The following ATP8B1 variants were observed in gnomAD, a reference collection of about 807,000 sequenced individuals.
ATP8B1 encodes the protein phospholipid-transporting ATPase IC.
A neutral mutation model predicts 149.9 loss-of-function variants in ATP8B1; 80 were observed. That is an observed-to-expected ratio of 0.53 (90% CI 0.45 to 0.64). ATP8B1 has a LOEUF of 0.64. ATP8B1 is among the 30% of genes least tolerant of loss of function. ATP8B1 has a pLI of 0.00. For synonymous variants in ATP8B1, 536 were observed against 562.8 expected (o/e 0.95, Z 0.67); for missense variants, 1,247 against 1,552.6 (o/e 0.80, Z 3.31).
intron 1 of ATP8B1, among the ~76,000 whole-genome samples, chr18:57,781,603 G>A (rs2123417552): frequency 6.6e-6 from 1 of 152,300 alleles, no homozygotes. Context: ...TGCCTACTAG[G>A]TTGTGGACTC....
chr18:57,741,942 T>C (rs2079918213), intron 1 of ATP8B1, among the ~76,000 whole-genome samples: 1 of 152,208 alleles, frequency 6.6e-6, no homozygotes, highest in African/African-American at 2.4e-5. Flanking sequence ...TGATCTCAGC[T>C]CACTGCAACC....
At chr18:57,772,351 G>A (rs1226187839) in intron 1 of ATP8B1, among the ~76,000 whole-genome samples, 2 of 152,130 alleles carry the variant, frequency 1.3e-5, no homozygotes, top group South Asian at 2.1e-4. Context: ...TCCCAAGCTG[G>A]GCCACTATCT....
At chr18:57,775,785 C>T (rs1486957554) in intron 1 of ATP8B1, among the ~76,000 whole-genome samples, 3 of 151,994 alleles carry the variant, frequency 2.0e-5, no homozygotes, top group Non-Finnish European at 2.9e-5. Flanking sequence ...GCTGAGATTA[C>T]AGACATGTGC....
At chr18:57,653,682 C>CTTTTTT (rs71171057) in intron 24 of ATP8B1, among the ~76,000 whole-genome samples, 59 of 117,804 alleles carry the variant, frequency 5.0e-4, no homozygotes, top group East Asian at 8.0e-4. Flanking sequence ...CCTCTTTTCT[C>CTTTTTT]TTTTTTTTTT....
At chr18:57,701,352 G>A (rs371384724) in intron 4 of ATP8B1, 39 bp from the exon 5 acceptor site, 24 of 1,553,812 alleles carry the variant, frequency 1.5e-5, no homozygotes, top group Non-Finnish European at 2.0e-5. Context: ...GTCCATGAAG[G>A]CATATCAAGC....
chr18:57,767,114 A>T (rs1298811415), intron 1 of ATP8B1, among the ~76,000 whole-genome samples: 1 of 152,202 alleles, frequency 6.6e-6, no homozygotes, highest in Non-Finnish European at 1.5e-5. Context: ...GGAATCCTAC[A>T]GTTTATCCAC....
chr18:57,651,381 C>T (rs1350564359), intron 26 of ATP8B1, among the ~76,000 whole-genome samples: 1 of 152,192 alleles, frequency 6.6e-6, no homozygotes, highest in Non-Finnish European at 1.5e-5. Context: ...GCTGGGATTA[C>T]AGGCGTGAGC....
chr18:57,692,340 T>G (rs1247700439), intron 11 of ATP8B1, among the ~76,000 whole-genome samples: 1 of 152,042 alleles, frequency 6.6e-6, no homozygotes, highest in African/African-American at 2.4e-5. Flanking sequence ...ACATACTGTT[T>G]GGGGAAGATA....
chr18:57,683,868 C>T (rs1179041998), intron 15 of ATP8B1, among the ~76,000 whole-genome samples, 168 bp downstream of exon 15: 1 of 152,218 alleles, frequency 6.6e-6, no homozygotes, highest in Non-Finnish European at 1.5e-5. Context: ...TTGTTTCCTA[C>T]TTTGCTCTTC....
intron 1 of ATP8B1, among the ~76,000 whole-genome samples, chr18:57,750,421 A>G (rs1426569738): frequency 2.0e-5 from 3 of 152,238 alleles, no homozygotes; most frequent in East Asian, 1.9e-4. Context: ...TTTTCAAAGC[A>G]TGTTTTAAAA....
At chr18:57,744,649 A>G (rs1205203246) in intron 1 of ATP8B1, among the ~76,000 whole-genome samples, 62 of 152,322 alleles carry the variant, frequency 4.1e-4, no homozygotes, top group Non-Finnish European at 1.5e-5. Context: ...TGACTCTATA[A>G]TTAGGCTTTA....
chr18:57,709,778 C>T (rs2122996450), intron 2 of ATP8B1, among the ~76,000 whole-genome samples: 1 of 151,834 alleles, frequency 6.6e-6, no homozygotes, highest in African/African-American at 2.4e-5. Context: ...CTCCCAGGTT[C>T]AAGCAGTTCT....
intron 2 of ATP8B1, among the ~76,000 whole-genome samples, chr18:57,713,240 C>CTTTCTTTCT (rs1418593919): frequency 4.1e-4 from 27 of 65,120 alleles, no homozygotes; most frequent in East Asian, 8.2e-4. Flanking sequence ...TCCTTCCTTC[C>CTTTCTTTCT]TTCTTTCTTT....
intron 26 of ATP8B1, among the ~76,000 whole-genome samples, chr18:57,651,210 G>A (rs1167066788): frequency 6.6e-6 from 1 of 152,116 alleles, no homozygotes; most frequent in Non-Finnish European, 1.5e-5. Context: ...GGGCTCAGGT[G>A]TCCTCCTACC....
In ATP8B1 at chr18:57,704,528, C is replaced by T. The variant is rs202157504; in HGVS notation, c.393+27G>A. On this transcript the variant is annotated intron_variant, in intron 4 of 27. Transcript: ENST00000648908. ...TGTTATCGAGTCACTATAATTCAAA[C>T]AGATTTAAGATAGCAAAGGGCATTA... 4.9e-5 allele frequency: 70 copies of T among 1,418,672 alleles called. No homozygotes were observed. In the African/African-American group the frequency reaches 8.8e-4, roughly 18 times the overall value. The allele number at this position is 1,418,672 out of a possible 1,614,324, so 87.9% of individuals were successfully genotyped here. A position where few individuals can be genotyped will look rare whatever the true frequency, so the allele number is the denominator to read the frequency against.
intron 15 of ATP8B1, among the ~76,000 whole-genome samples, chr18:57,675,847 T>G (rs893417305): frequency 2.0e-5 from 3 of 152,116 alleles, no homozygotes; most frequent in African/African-American, 7.2e-5. Flanking sequence ...CTGGGATTAC[T>G]GGTACACGCC....
At chr18:57,673,311 C>T (rs934587284) in intron 16 of ATP8B1, among the ~76,000 whole-genome samples, 1 of 151,658 alleles carries the variant, frequency 6.6e-6, no homozygotes, top group African/African-American at 2.4e-5. Flanking sequence ...GATCCTGGAC[C>T]AGAAAAACAA....
chr18:57,802,090 G>A lies in ATP8B1; in HGVS notation c.-26+908C>T, dbSNP rs1227281132. 1 of 148,644 alleles carries A rather than the reference G, an allele frequency of 6.7e-6. No homozygotes were observed. The allele number at this position is 148,644 out of a possible 1,614,324, so 9.2% of individuals were successfully genotyped here. A position where few individuals can be genotyped will look rare whatever the true frequency, so the allele number is the denominator to read the frequency against. On this transcript the variant is annotated intron_variant, in intron 1 of 27. Transcript: ENST00000648908. This position sits in a 1 kb window ranked among gnomAD's most constrained non-coding sequence, Gnocchi z 4.9. ...CAACCAGCCACCAACCCCCGGCAGG[G>A]ACCACAGGCACACGCCTCCGTCGGA...
At chr18:57,764,440 A>C in intron 1 of ATP8B1, among the ~76,000 whole-genome samples, 1 of 93,514 alleles carries the variant, frequency 1.1e-5, no homozygotes, top group Non-Finnish European at 2.3e-5. Flanking sequence ...TTTCTTTCAT[A>C]CCGAGTCTTG....
Sources: gnomAD v4.1 joint callset for allele counts (sites outside exome capture counted in the v4.1 genomes callset) on GRCh38, gnomAD v4.1.1 for gene constraint, Gnocchi (gnomAD v3.1) non-coding constraint, MANE v1.5 for transcripts, NCBI Gene and HGNC (gene_info 2026-07-23, HGNC 2026-07-21) for gene names.